Variants in ACOXL observed in about 807,000 individuals in gnomAD.
The protein encoded by ACOXL is acyl-CoA oxidase like, also known as acyl-coenzyme A oxidase-like protein.
In ACOXL, 70 loss-of-function variants were observed where a neutral mutation model predicts 71.9. That is an observed-to-expected ratio of 0.97 (90% confidence interval 0.80 to 1.19). The LOEUF is 1.19. Ranked by LOEUF, ACOXL falls within the 50% of genes most tolerant of loss-of-function variation. The pLI, the probability that ACOXL is intolerant of heterozygous loss-of-function variation, is 0.00. For missense variants in ACOXL, 703 were observed against 736.3 expected, an observed-to-expected ratio of 0.95 and a Z score of 0.52; for synonymous variants, 253 against 281.6, an observed-to-expected ratio of 0.90 and a Z score of 1.02.
At chr2:111,079,391 G>A (rs111839098) in intron 16 of ACOXL, among the ~76,000 whole-genome samples, 3 of 152,094 alleles carry the variant, frequency 2.0e-5, no homozygotes, top group Non-Finnish European at 4.4e-5. Context: ...TCTTTTGTAT[G>A]CTAATTAGCA....
intron 14 of ACOXL, among the ~76,000 whole-genome samples, chr2:111,016,034 G>A (rs944191045): frequency 6.6e-6 from 1 of 152,082 alleles, no homozygotes; most frequent in African/African-American, 2.4e-5. Flanking sequence ...CTGGGCTCAG[G>A]CAATCCTCCT....
chr2:110,828,553 A>G (rs1689434520), intron 9 of ACOXL, among the ~76,000 whole-genome samples: 1 of 152,220 alleles, frequency 6.6e-6, no homozygotes, highest in Non-Finnish European at 1.5e-5. Flanking sequence ...TCCTGTAAAT[A>G]TCAACAATGA....
chr2:110,993,155 T>C (rs2063249041), intron 13 of ACOXL, among the ~76,000 whole-genome samples: 4 of 152,260 alleles, frequency 2.6e-5, no homozygotes, highest in African/African-American at 9.6e-5. Flanking sequence ...GTTCTTCTTA[T>C]GTTGAATTTA....
chr2:111,018,843 A>G (rs1180616387), intron 14 of ACOXL, among the ~76,000 whole-genome samples: 1 of 152,132 alleles, frequency 6.6e-6, no homozygotes, highest in Non-Finnish European at 1.5e-5. Context: ...CAGTTGGGTT[A>G]GCACTTCCCT....
intron 2 of ACOXL, among the ~76,000 whole-genome samples, chr2:110,774,386 A>T (rs1423822421): frequency 6.6e-6 from 1 of 152,166 alleles, no homozygotes; most frequent in East Asian, 1.9e-4. Flanking sequence ...AGAAGAAGTA[A>T]AATAGTCTCT....
chr2:110,793,620 A>T (rs372339139), intron 3 of ACOXL, 30 bp from the exon 4 acceptor site: 32 of 1,586,974 alleles, frequency 2.0e-5, no homozygotes, highest in Non-Finnish European at 2.7e-5. Flanking sequence ...GACTGTTGCT[A>T]ATGATGGTTT....
chr2:110,856,532 G>A lies in ACOXL; in HGVS notation c.788+15127G>A, dbSNP rs370644801. 4.6e-5 allele frequency among the ~76,000 whole-genome samples: 7 copies of A among 152,288 alleles called. 1 individual carries two copies. On this transcript the variant is annotated intron_variant, in intron 10 of 17. Transcript: ENST00000439055. ...TTCTCGACTTCATAAGAAAAGAAAAGCAATCATATGCTGCGGTTGCTAAGA... is the reference window on the plus strand; with the variant it reads ...TTCTCGACTTCATAAGAAAAGAAAAACAATCATATGCTGCGGTTGCTAAGA...
At chr2:111,029,690 G>A (rs72836309) in intron 14 of ACOXL, among the ~76,000 whole-genome samples, 2,619 of 152,298 alleles carry the variant, frequency 0.017, 40 homozygotes, top group Non-Finnish European at 0.03. Flanking sequence ...TGCCTGGGGC[G>A]GGTCTGGAGG....
chr2:111,077,277 A>C (rs2067651613), intron 16 of ACOXL, among the ~76,000 whole-genome samples: 1 of 152,164 alleles, frequency 6.6e-6, no homozygotes, highest in Non-Finnish European at 1.5e-5. Context: ...ACTTAACTTT[A>C]TAATTTACTT....
chr2:110,855,227 T>C (rs1302006120), intron 10 of ACOXL, among the ~76,000 whole-genome samples: 1 of 152,252 alleles, frequency 6.6e-6, no homozygotes, highest in East Asian at 1.9e-4. Context: ...ACCTTAAAAC[T>C]AGTCTTGATG....
chr2:110,818,437 G>A (rs1406471315), intron 9 of ACOXL, among the ~76,000 whole-genome samples: 12 of 145,978 alleles, frequency 8.2e-5, no homozygotes, highest in East Asian at 2.0e-4. Flanking sequence ...GTGTGTGTGT[G>A]TGTGTGTGTG....
intron 12 of ACOXL, among the ~76,000 whole-genome samples, chr2:110,959,473 T>C (rs1008610745): frequency 1.3e-5 from 2 of 152,088 alleles, no homozygotes; most frequent in African/African-American, 4.8e-5. Context: ...CCTTCTCCAC[T>C]TCCTCCCCCT....
At chr2:110,843,130 T>C (rs1356181215) in intron 10 of ACOXL, among the ~76,000 whole-genome samples, 2 of 152,208 alleles carry the variant, frequency 1.3e-5, no homozygotes. Context: ...TTTTCTAGAA[T>C]GTTCTCAAGG....
At chr2:111,041,132 G>T (rs961241170) in intron 15 of ACOXL, among the ~76,000 whole-genome samples, 3 of 152,094 alleles carry the variant, frequency 2.0e-5, no homozygotes, top group African/African-American at 4.8e-5. Context: ...GGAGAGGAGA[G>T]AACTGGGTCC....
At chr2:110,960,861 A>G (rs2061676555) in intron 12 of ACOXL, among the ~76,000 whole-genome samples, 1 of 152,168 alleles carries the variant, frequency 6.6e-6, no homozygotes, top group South Asian at 2.1e-4. Context: ...TAAGTTACTC[A>G]AGAAGATGGC....
chr2:110,933,931 A>C (rs892765832), intron 12 of ACOXL, among the ~76,000 whole-genome samples: 7 of 152,200 alleles, frequency 4.6e-5, no homozygotes, highest in Non-Finnish European at 7.3e-5. Flanking sequence ...GGAAAGGGCC[A>C]CTGAAGGTTC....
chr2:110,762,228 T>C (rs1263633420), intron 1 of ACOXL, among the ~76,000 whole-genome samples: 1 of 152,202 alleles, frequency 6.6e-6, no homozygotes, highest in Non-Finnish European at 1.5e-5. Context: ...AACTTGCTTA[T>C]GTCACTATAT....
At chr2:110,980,596 G>A (rs2062663099) in intron 12 of ACOXL, among the ~76,000 whole-genome samples, 1 of 152,202 alleles carries the variant, frequency 6.6e-6, no homozygotes, top group African/African-American at 2.4e-5. Flanking sequence ...AATTCTAACA[G>A]GAAATCGCAG....
At chr2:110,991,931 A>T (rs995590966) in intron 13 of ACOXL, among the ~76,000 whole-genome samples, 2 of 152,222 alleles carry the variant, frequency 1.3e-5, no homozygotes, top group Non-Finnish European at 2.9e-5. Flanking sequence ...TGTCCAACAT[A>T]TTAAGGAGTT....
Sources: gnomAD v4.1 joint callset for allele counts (sites outside exome capture counted in the v4.1 genomes callset) on GRCh38, gnomAD v4.1.1 for gene constraint, MANE v1.5 for transcripts, NCBI Gene and HGNC (gene_info 2026-07-23, HGNC 2026-07-21) for gene names.